The following GIGYF2 variants were observed in gnomAD, a reference collection of about 807,000 sequenced individuals.
GIGYF2 encodes GRB10 interacting GYF protein 2.
In GIGYF2, 25 loss-of-function variants were observed where a neutral mutation model predicts 208.1. The observed-to-expected ratio is 0.12, with a 90% CI of 0.09 to 0.17. The LOEUF is 0.17. GIGYF2 is among the 10% of genes least tolerant of loss of function. The pLI is 1.00. For synonymous variants in GIGYF2, 534 were observed against 543.8 expected, an observed-to-expected ratio of 0.98 and a Z score of 0.25; for missense variants, 1,302 against 1,579.4, an observed-to-expected ratio of 0.82 and a Z score of 2.98.
At chr2:232,753,016 A>ATCTGTATAT (rs1698391970) in intron 5 of GIGYF2, among the ~76,000 whole-genome samples, 1 of 152,088 alleles carries the variant, frequency 6.6e-6, no homozygotes, top group African/African-American at 2.4e-5. Flanking sequence ...GTCTACAACT[A>ATCTGTATAT]TCTGTATATT....
chr2:232,789,808 T>A (rs1700017327), intron 9 of GIGYF2, among the ~76,000 whole-genome samples: 1 of 152,174 alleles, frequency 6.6e-6, no homozygotes, highest in Non-Finnish European at 1.5e-5. Flanking sequence ...GACTCAGGTC[T>A]GTCAGATTTT....
At chr2:232,849,796 A>T (rs566917503) in intron 27 of GIGYF2, among the ~76,000 whole-genome samples, 1 of 152,314 alleles carries the variant, frequency 6.6e-6, no homozygotes, top group South Asian at 2.1e-4. Flanking sequence ...CGTTTCTGGG[A>T]TTGCTGATAG....
intron 15 of GIGYF2, among the ~76,000 whole-genome samples, chr2:232,808,374 C>T (rs1191510271): frequency 6.6e-6 from 1 of 152,182 alleles, no homozygotes; most frequent in Non-Finnish European, 1.5e-5. Flanking sequence ...TTCCCAGTTT[C>T]CGGTTAGAGG....
intron 13 of GIGYF2, 86 bp from the exon 14 acceptor site, chr2:232,795,976 A>G (rs1315855804): frequency 2.0e-6 from 2 of 977,534 alleles, no homozygotes; most frequent in African/African-American, 1.6e-5. Context: ...AAGTAGTCCA[A>G]AAAAAAGGGG....
rs141225775 is a variant in GIGYF2, at chr2:232,790,803, C to G, written c.818C>G (p.Ser273Cys). 2.5e-6 allele frequency: 4 copies of G among 1,614,048 alleles called. No individual in the cohort carries two copies. Among genetic ancestry groups the G allele is most frequent in the Non-Finnish European group, 3.4e-6 (4 of 1,179,942 alleles). The change falls in exon 10 of 29, where the codon TCT becomes TGT. Residue 273 changes from serine (S) to cysteine (C), a missense_variant. Physicochemically the swap from Ser to Cys is moderately radical, Grantham distance 112 (BLOSUM62 -1). Coordinates refer to ENST00000373563, the MANE Select transcript of GIGYF2 (RefSeq NM_001103146.3). ...DDERGYRRVR[S>C]GSGSIDDDRD... ...GAACGGGGTTACCGAAGGGTTCGCT[C>G]TGGCAGTGGGAGCATAGATGATGAC... is the stretch of plus-strand genomic sequence containing the variant.
chr2:232,780,285 A>G (rs1306746307), intron 8 of GIGYF2, among the ~76,000 whole-genome samples: 3 of 152,224 alleles, frequency 2.0e-5, no homozygotes, highest in Non-Finnish European at 2.9e-5. Context: ...TAATTTTTAG[A>G]TGAATCCTAT....
At chr2:232,813,105 A>C (rs1700784676) in intron 18 of GIGYF2, among the ~76,000 whole-genome samples, 1 of 151,034 alleles carries the variant, frequency 6.6e-6, no homozygotes, top group Non-Finnish European at 1.5e-5. Context: ...TCATTTTTAT[A>C]TTTTTACATC....
At chr2:232,845,684 T>C in intron 25 of GIGYF2, 48 bp from the exon 26 acceptor site, 2 of 1,463,136 alleles carry the variant, frequency 1.4e-6, no homozygotes, top group Non-Finnish European at 1.9e-6. Context: ...TATAATCATA[T>C]AGTAACAGTT....
At chr2:232,754,934 C>G (rs1046186538) in intron 5 of GIGYF2, among the ~76,000 whole-genome samples, 7 of 150,942 alleles carry the variant, frequency 4.6e-5, no homozygotes, top group Admixed American at 6.6e-5. Flanking sequence ...TAAAACTTAT[C>G]AAACAAATTG....
chr2:232,760,432 C>A, intron 6 of GIGYF2, 48 bp from the exon 7 acceptor site: 1 of 1,170,618 alleles, frequency 8.5e-7, no homozygotes, highest in Non-Finnish European at 1.3e-6. Flanking sequence ...GAATGTGTGC[C>A]ACATGTTGAC....
chr2:232,760,370 A>G (rs751103183), intron 6 of GIGYF2, 110 bp from the exon 7 acceptor site: 34 of 749,756 alleles, frequency 4.5e-5, no homozygotes, highest in Non-Finnish European at 6.6e-5. Flanking sequence ...ATTTAAATGT[A>G]GATGTCCTGC....
At chr2:232,752,603 C>T (rs1473875094) in intron 5 of GIGYF2, among the ~76,000 whole-genome samples, 5 of 151,674 alleles carry the variant, frequency 3.3e-5, no homozygotes, top group African/African-American at 9.7e-5. Flanking sequence ...TGCAGTGGCG[C>T]GATCTCGGCT....
At chr2:232,776,395 T>C (rs1699514343) in intron 8 of GIGYF2, 3 of 1,505,412 alleles carry the variant, frequency 2.0e-6, no homozygotes, top group South Asian at 1.2e-5. Context: ...TCAGTTTCTT[T>C]CCCTGTTTCC....
intron 8 of GIGYF2, among the ~76,000 whole-genome samples, chr2:232,763,398 G>A (rs1698823585): frequency 6.6e-6 from 1 of 151,986 alleles, no homozygotes; most frequent in Admixed American, 6.6e-5. Flanking sequence ...AGATAGTACT[G>A]AATCCCATAA....
intron 9 of GIGYF2, chr2:232,788,369 C>T: frequency 9.2e-6 from 2 of 216,438 alleles, no homozygotes; most frequent in South Asian, 1.4e-4. Context: ...GGTTTTCTGT[C>T]ATTAGTGGGC....
Position 232,740,286 on chromosome 2 carries a change from C to T in GIGYF2, c.41+5048C>T, listed in dbSNP as rs938503616. Among the ~76,000 whole-genome samples the T allele has an allele frequency of 4.6e-5, 7 of 152,176 alleles. No homozygotes were observed. In the South Asian group the frequency reaches 6.2e-4, roughly 14 times the overall value. On this transcript the variant is annotated intron_variant, in intron 3 of 28. Coordinates refer to ENST00000373563, the MANE Select transcript of GIGYF2 (RefSeq NM_001103146.3). ...AACCTGGGACAACATAGTGAGAACC[C>T]GTCTTTAGAAACAAAAAACAAAAAG...
rs1559438803 is a variant in GIGYF2, at chr2:232,796,171, A to C, written c.1589A>C (p.His530Pro). 7 of 1,605,048 alleles carry C rather than the reference A, an allele frequency of 4.4e-6. No homozygotes were observed. The highest frequency in any genetic ancestry group is 1.7e-5 in the Admixed American group (1 of 59,998). Reference protein sequence around the residue: ...RAKGVSIPLMHEAMQKWYYKD... With the variant: ...RAKGVSIPLMPEAMQKWYYKD... ...AAAGGAGTGTCGATTCCATTGATGC[A>C]TGAAGCAATGCAGAAGTGGTATTAC... Residue 530 changes from histidine (H) to proline (P), a missense_variant, in exon 14 of 29, where the codon CAT becomes CCT. His to Pro is a moderately conservative substitution (Grantham distance 77). Around this residue, in one of 8 missense-constraint regions of GIGYF2, gnomAD observed 69 missense variants for 132.8 expected, o/e 0.52. Transcript: ENST00000373563.
At chr2:232,734,203 G>A (rs1697632887) in intron 2 of GIGYF2, among the ~76,000 whole-genome samples, 1 of 148,482 alleles carries the variant, frequency 6.7e-6, no homozygotes, top group Non-Finnish European at 1.5e-5. Flanking sequence ...GCCTGGCTTG[G>A]CCTCCCAAAT....
intron 8 of GIGYF2, chr2:232,776,268 T>C (rs530966337): frequency 1.0e-5 from 5 of 495,544 alleles, no homozygotes; most frequent in South Asian, 4.3e-5. Context: ...ATGGCTGTTA[T>C]TGCATTTTTA....
Sources: allele counts gnomAD v4.1 joint callset (sites outside exome capture counted in the v4.1 genomes callset), GRCh38; gene constraint gnomAD v4.1.1; regional missense constraint gnomAD v4.1.1; transcripts MANE v1.5; gene names NCBI Gene and HGNC (gene_info 2026-07-23, HGNC 2026-07-21).